Variants in BABAM2 observed in about 807,000 individuals in gnomAD.
BABAM2 encodes BRISC and BRCA1-A complex member 2.
Under a neutral mutation model 54.7 loss-of-function variants are expected in BABAM2, and 31 were observed. That is an observed-to-expected ratio of 0.57 (90% confidence interval 0.43 to 0.77). The LOEUF (loss-of-function observed/expected upper bound fraction) is 0.77. BABAM2 is among the 30% of genes least tolerant of loss of function. The probability of loss-of-function intolerance (pLI) is 0.00; values close to 1 mark genes in which losing one functional copy is unlikely to be tolerated. For missense variants in BABAM2, 364 were observed against 455.8 expected (o/e 0.80, Z 1.83); for synonymous variants, 167 against 162.9 (o/e 1.03, Z -0.19).
intron 5 of BABAM2, among the ~76,000 whole-genome samples, chr2:28,026,841 TAAA>T (rs2148567951): frequency 2.3e-5 from 1 of 43,274 alleles, no homozygotes; most frequent in East Asian, 3.2e-4. Flanking sequence ...TAAATATATA[TAAA>T]TATATATTTA....
At chr2:28,239,183 C>T (rs974870684) in intron 8 of BABAM2, among the ~76,000 whole-genome samples, 8 of 152,154 alleles carry the variant, frequency 5.3e-5, no homozygotes, top group African/African-American at 1.4e-4. Context: ...TTTCTGATCC[C>T]GCATTAAGCC....
intron 5 of BABAM2, among the ~76,000 whole-genome samples, chr2:28,026,862 A>ATC (rs1558667236): frequency 2.4e-5 from 2 of 81,842 alleles, no homozygotes; most frequent in Non-Finnish European, 4.3e-5. Flanking sequence ...TTATATATAT[A>ATC]GATATATATA....
chr2:28,191,184 A>C (rs1002324283), intron 7 of BABAM2, among the ~76,000 whole-genome samples: 1 of 152,258 alleles, frequency 6.6e-6, no homozygotes, highest in Non-Finnish European at 1.5e-5. Flanking sequence ...GGGGAAATGC[A>C]AATTAAAGCC....
intron 5 of BABAM2, among the ~76,000 whole-genome samples, chr2:28,035,311 A>G (rs1394048055): frequency 1.3e-5 from 2 of 152,222 alleles, no homozygotes; most frequent in African/African-American, 4.8e-5. Flanking sequence ...GCTAAGAGAA[A>G]GATAAAAATA....
intron 4 of BABAM2, chr2:28,016,410 A>G: frequency 7.1e-7 from 1 of 1,408,654 alleles, no homozygotes; most frequent in African/African-American, 1.4e-5. Context: ...GGCCCTGAAG[A>G]CTGGATTGGA....
intron 6 of BABAM2, among the ~76,000 whole-genome samples, chr2:28,106,632 C>T (rs2148717438): frequency 6.6e-6 from 1 of 152,272 alleles, no homozygotes; most frequent in East Asian, 1.9e-4. Flanking sequence ...TGCCTTCTCT[C>T]AAGTGGCAGA....
At chr2:28,142,274 G>A (rs1200381464) in intron 7 of BABAM2, among the ~76,000 whole-genome samples, 1 of 152,100 alleles carries the variant, frequency 6.6e-6, no homozygotes, top group Non-Finnish European at 1.5e-5. Context: ...GAAGCCTTTA[G>A]TTTAAAACAA....
At chr2:27,916,504 C>G (rs972862624) in intron 2 of BABAM2, among the ~76,000 whole-genome samples, 2 of 152,180 alleles carry the variant, frequency 1.3e-5, no homozygotes, top group Non-Finnish European at 2.9e-5. Context: ...CTTGTTTGAC[C>G]TTGTCCACTC....
At chr2:28,176,433 G>A (rs1345784190) in intron 7 of BABAM2, among the ~76,000 whole-genome samples, 2 of 151,358 alleles carry the variant, frequency 1.3e-5, no homozygotes, top group Non-Finnish European at 2.9e-5. Flanking sequence ...AGCTGAGCAT[G>A]GTGGCGCACA....
intron 1 of BABAM2, 61 bp from the exon 2 acceptor site, chr2:27,894,472 C>A: frequency 6.7e-7 from 1 of 1,497,568 alleles, no homozygotes; most frequent in African/African-American, 1.4e-5. Flanking sequence ...AGTTTTCAGG[C>A]AGAGTGTTGT....
chr2:27,933,318 C>T (rs942645963), intron 3 of BABAM2, among the ~76,000 whole-genome samples: 1 of 151,970 alleles, frequency 6.6e-6, no homozygotes, highest in African/African-American at 2.4e-5. Flanking sequence ...AATAAGTGAA[C>T]ATTGTATAAT....
At chr2:28,266,141 C>G (rs113006076) in intron 10 of BABAM2, among the ~76,000 whole-genome samples, 22 of 152,134 alleles carry the variant, frequency 1.4e-4, no homozygotes, top group Admixed American at 6.5e-4. Flanking sequence ...CACACCACCA[C>G]GCTCGGCTAA....
chr2:28,061,187 C>G (rs1047475462), intron 6 of BABAM2, among the ~76,000 whole-genome samples: 3 of 151,972 alleles, frequency 2.0e-5, no homozygotes, highest in Non-Finnish European at 4.4e-5. Flanking sequence ...TCCACACATA[C>G]GTGGACAATT....
At chr2:28,104,304 G>T (rs1269680111) in intron 6 of BABAM2, among the ~76,000 whole-genome samples, 1 of 152,074 alleles carries the variant, frequency 6.6e-6, no homozygotes, top group Non-Finnish European at 1.5e-5. Context: ...TTGACAAAGG[G>T]CTAATATCCA....
intron 7 of BABAM2, among the ~76,000 whole-genome samples, chr2:28,218,178 G>T (rs1466992414): frequency 4.6e-5 from 7 of 152,110 alleles, no homozygotes; most frequent in Non-Finnish European, 1.5e-5. Context: ...GGGCCACATT[G>T]TACTTCACCC....
intron 4 of BABAM2, among the ~76,000 whole-genome samples, chr2:28,014,353 G>A (rs995326400): frequency 3.3e-5 from 5 of 152,278 alleles, no homozygotes; most frequent in East Asian, 1.9e-4. Context: ...TAGAAAGCCT[G>A]AAGTGCCTTC....
chr2:27,905,283 A>C (rs1666108727), intron 2 of BABAM2, among the ~76,000 whole-genome samples: 3 of 152,182 alleles, frequency 2.0e-5, no homozygotes, highest in African/African-American at 7.2e-5. Context: ...GTTGGAACAC[A>C]GGAAGCCATC....
At position 28,045,801 on chromosome 2, in the gene BABAM2, T is replaced by C; in HGVS notation, c.570+2T>C. The C allele has an allele frequency of 6.2e-7, 1 of 1,602,164 alleles. No individual in the cohort carries two copies. Among genetic ancestry groups the C allele is most frequent in the Non-Finnish European group, 8.5e-7 (1 of 1,171,732 alleles). ...AATATCCCCACATACCTTCTCAAGG[T>C]AAAAATATATGATTTTCAGTATGAG... On this transcript the variant is annotated splice_donor_variant, in intron 6 of 11. Coordinates refer to ENST00000379624, the MANE Select transcript of BABAM2 (RefSeq NM_199191.3). LOFTEE classifies it high-confidence loss of function.
chr2:28,056,162 T>C (rs753265939), intron 6 of BABAM2, among the ~76,000 whole-genome samples: 2 of 152,140 alleles, frequency 1.3e-5, no homozygotes, highest in Non-Finnish European at 2.9e-5. Flanking sequence ...AGAGCACCTG[T>C]GTAGGATGAA....
Sources: allele counts gnomAD v4.1 joint callset (sites outside exome capture counted in the v4.1 genomes callset), GRCh38; gene constraint gnomAD v4.1.1; transcripts MANE v1.5; gene names NCBI Gene and HGNC (gene_info 2026-07-23, HGNC 2026-07-21).